Variants in GCFC2 observed in about 807,000 individuals in gnomAD.
GCFC2 encodes GC-rich sequence DNA-binding factor 2.
Under a neutral mutation model 99.4 loss-of-function variants are expected in GCFC2, and 102 were observed. The ratio of observed to expected loss-of-function variants is 1.03; its 90% CI spans 0.87 to 1.21. The LOEUF (loss-of-function observed/expected upper bound fraction) is 1.21, where lower values mean the gene tolerates loss of function less well. Among genes scored for constraint, GCFC2 ranks in the 50% most tolerant of loss-of-function variants. The probability of loss-of-function intolerance (pLI) is 0.00; values close to 1 mark genes in which losing one functional copy is unlikely to be tolerated. For synonymous variants in GCFC2, 338 were observed against 316.8 expected, an observed-to-expected ratio of 1.07 and a Z score of -0.71; for missense variants, 973 against 920.9, an observed-to-expected ratio of 1.06 and a Z score of -0.73.
Position 75,692,041 on chromosome 2 carries a change from C to A in GCFC2, c.1080G>T (p.Met360Ile). ...CATCTTGCCTGCGTTTCATAAAGGT[C>A]ATAGCTTGTTTTAAAAGGAGTGCAT... The part of the protein sequence containing the change: ...SMHALLLKQA[M>I]TFMKRRQDEL... Residue 360 changes from methionine to isoleucine, a missense_variant, in exon 7 of 17, where the codon ATG becomes ATT. Met to Ile is a conservative substitution (Grantham distance 10, BLOSUM62 1). Transcript: ENST00000321027. 1 of 1,555,834 alleles carries A rather than the reference C, an allele frequency of 6.4e-7. No homozygotes were observed.
chr2:75,677,794 C>T (rs1381818165), intron 12 of GCFC2, among the ~76,000 whole-genome samples: 4 of 152,012 alleles, frequency 2.6e-5, no homozygotes, highest in Non-Finnish European at 4.4e-5. Context: ...CTGGCTAATA[C>T]AGTGAAACCC....
chr2:75,688,951 T>C (rs1456430217), intron 10 of GCFC2, 75 bp downstream of exon 10: 1 of 807,528 alleles, frequency 1.2e-6, no homozygotes, highest in Non-Finnish European at 2.1e-6. Flanking sequence ...AGGTATTTAA[T>C]GCCTAACACA....
intron 3 of GCFC2, chr2:75,701,721 TAA>T (rs1680600352): frequency 6.8e-6 from 2 of 292,198 alleles, no homozygotes. Flanking sequence ...AAATATTATT[TAA>T]AGTTACCAAA....
intron 3 of GCFC2, 48 bp from the exon 4 acceptor site, chr2:75,701,335 T>C: frequency 9.1e-7 from 1 of 1,100,232 alleles, no homozygotes; most frequent in Non-Finnish European, 1.4e-6. Flanking sequence ...TTTTCCATTT[T>C]AATTGCAGCA....
At chr2:75,685,218 C>CA (rs1169631750) in intron 11 of GCFC2, among the ~76,000 whole-genome samples, 2 of 152,066 alleles carry the variant, frequency 1.3e-5, no homozygotes, top group Non-Finnish European at 2.9e-5. Flanking sequence ...AATAAACAAA[C>CA]AAAAAATCCC....
chr2:75,705,077 T>G (rs1680780116), intron 2 of GCFC2, among the ~76,000 whole-genome samples: 1 of 152,188 alleles, frequency 6.6e-6, no homozygotes. Flanking sequence ...TAGCCACATT[T>G]CAAGAGCTCA....
At chr2:75,690,121 T>A in intron 8 of GCFC2, 40 bp from the exon 9 acceptor site, 1 of 1,137,410 alleles carries the variant, frequency 8.8e-7, no homozygotes, top group Non-Finnish European at 1.3e-6. Context: ...AAAAAGTAAG[T>A]AGTTCTTGCT....
At chr2:75,713,004 T>TA (rs1681251808), upstream of GCFC2, among the ~76,000 whole-genome samples, 1 of 152,228 alleles carries the variant, frequency 6.6e-6, no homozygotes, top group African/African-American at 2.4e-5. Flanking sequence ...TCACTGACTA[T>TA]ATGTCACCAA....
intron 4 of GCFC2, among the ~76,000 whole-genome samples, chr2:75,697,164 A>C (rs1680364928): frequency 6.6e-6 from 1 of 152,242 alleles, no homozygotes; most frequent in South Asian, 2.1e-4. Context: ...GGTATGTTTC[A>C]CATTAGTGTC....
chr2:75,680,410 T>C, intron 11 of GCFC2, 96 bp from the exon 12 acceptor site: 1 of 922,644 alleles, frequency 1.1e-6, no homozygotes, highest in Non-Finnish European at 1.6e-6. Context: ...ACTACTTCCC[T>C]CCTTATTCAG....
intron 7 of GCFC2, among the ~76,000 whole-genome samples, chr2:75,691,599 T>C (rs1027002460): frequency 8.5e-5 from 13 of 152,164 alleles, no homozygotes; most frequent in African/African-American, 3.1e-4. Context: ...ATCCGTATTT[T>C]ATATAATGAG....
chr2:75,699,847 A>G (rs1162773237), intron 4 of GCFC2, among the ~76,000 whole-genome samples: 2 of 150,618 alleles, frequency 1.3e-5, no homozygotes, highest in Non-Finnish European at 2.9e-5. Context: ...GAAGTGCTGG[A>G]GTAACAGGTG....
At chr2:75,690,434 CA>C in intron 8 of GCFC2, 1 of 529,848 alleles carries the variant, frequency 1.9e-6, no homozygotes, top group Admixed American at 3.8e-5. Flanking sequence ...TCATTTTACC[CA>C]TTCCTTTTAA....
In GCFC2 at chr2:75,688,894, T is replaced by C. The variant is rs1377776594; in HGVS notation, c.1539+132A>G. On this transcript the variant is annotated intron_variant, in intron 10 of 16. Transcript: ENST00000321027. ...AATGTAGCCGAAAGCACACATTTTC[T>C]GACTATTGTTCCAAAGCTCTAAATT... 5.2e-6 allele frequency: 3 copies of C among 573,862 alleles called. No homozygotes were observed. The African/African-American group carries it at 5.9e-5, about 11-fold the overall frequency. 35.5% of individuals were successfully genotyped at this position (573,862 alleles called of 1,614,324 possible).
At chr2:75,691,680 T>G (rs1405543176) in intron 7 of GCFC2, among the ~76,000 whole-genome samples, 2 of 152,230 alleles carry the variant, frequency 1.3e-5, no homozygotes, top group African/African-American at 4.8e-5. Context: ...AAGTTAGACT[T>G]CTGACAGAGC....
At chr2:75,684,505 A>G (rs911134550) in intron 11 of GCFC2, among the ~76,000 whole-genome samples, 3 of 152,238 alleles carry the variant, frequency 2.0e-5, no homozygotes, top group African/African-American at 7.2e-5. Context: ...TTATAGCACT[A>G]AATGCCCACA....
upstream of GCFC2, among the ~76,000 whole-genome samples, chr2:75,712,182 G>T (rs1163457084): frequency 8.6e-6 from 1 of 116,158 alleles, no homozygotes; most frequent in African/African-American, 2.6e-5. Context: ...TGCACCAATC[G>T]ACACTCTGTA....
In GCFC2 at chr2:75,692,087, T is replaced by C; in HGVS notation, c.1034A>G (p.Gln345Arg). The C allele has an allele frequency of 6.7e-7, 1 of 1,486,304 alleles. No homozygotes were observed. Among genetic ancestry groups the C allele is most frequent in the Non-Finnish European group, 9.1e-7 (1 of 1,101,270 alleles). The allele number at this position is 1,486,304 out of a possible 1,614,324, so 92.1% of individuals were successfully genotyped here. The change falls in exon 7 of 17, where the codon CAA becomes CGA. Residue 345 changes from glutamine to arginine, a missense_variant. Coordinates refer to ENST00000321027, the MANE Select transcript of GCFC2 (RefSeq NM_003203.5). ...TGCATGCATGGATGATTCTATTTCT[T>C]GGATGTTGATAATCTGAAATACACA... Reference protein sequence around the residue: ...DCLNEKIINIQEIESSMHALL... With the variant: ...DCLNEKIINIREIESSMHALL...
intron 2 of GCFC2, among the ~76,000 whole-genome samples, chr2:75,705,086 C>T (rs752711688): frequency 1.3e-4 from 20 of 152,104 alleles, no homozygotes; most frequent in Non-Finnish European, 2.5e-4. Flanking sequence ...TTCAAGAGCT[C>T]AACAGCCACT....
Sources: allele counts gnomAD v4.1 joint callset (sites outside exome capture counted in the v4.1 genomes callset), GRCh38; gene constraint gnomAD v4.1.1; transcripts MANE v1.5; gene names NCBI Gene and HGNC (gene_info 2026-07-23, HGNC 2026-07-21).